TTC17: variants seen among roughly 807,000 people sequenced by gnomAD.
The protein encoded by TTC17 is tetratricopeptide repeat domain 17, also known as tetratricopeptide repeat protein 17.
TTC17 carries 58 observed loss-of-function variants against 143.8 expected under a neutral mutation model. The ratio of observed to expected loss-of-function variants is 0.40; its 90% CI spans 0.33 to 0.50. TTC17 has a LOEUF of 0.50. TTC17 is among the 20% of genes least tolerant of loss of function. TTC17 has a pLI of 0.49. For synonymous variants in TTC17, 501 were observed against 497.8 expected, an observed-to-expected ratio of 1.01 and a Z score of -0.09; for missense variants, 1,273 against 1,392.5, an observed-to-expected ratio of 0.91 and a Z score of 1.37.
intron 16 of TTC17, among the ~76,000 whole-genome samples, chr11:43,433,333 C>T (rs1172521703): frequency 6.6e-6 from 1 of 152,190 alleles, no homozygotes; most frequent in Non-Finnish European, 1.5e-5. Context: ...AGCGTAAGAA[C>T]GTTAGTATTC....
At chr11:43,418,121 A>G (rs1946818682) in intron 16 of TTC17, among the ~76,000 whole-genome samples, 1 of 152,244 alleles carries the variant, frequency 6.6e-6, no homozygotes, top group Non-Finnish European at 1.5e-5. Context: ...TTTTGTACTT[A>G]TAAAGACTTT....
intron 16 of TTC17, among the ~76,000 whole-genome samples, chr11:43,420,078 G>GT (rs1399913811): frequency 5.9e-5 from 9 of 152,140 alleles, no homozygotes; most frequent in African/African-American, 2.2e-4. Context: ...TTTTTAACAT[G>GT]TATCTTTAAC....
In TTC17 at chr11:43,401,524, G is replaced by A. The variant is rs758314443; in HGVS notation, c.1298G>A (p.Arg433His). The change falls in exon 10 of 24, where the codon CGT becomes CAT. Residue 433 changes from arginine to histidine, a missense_variant. Around this residue, in one of 3 missense-constraint regions of TTC17, gnomAD observed 878 missense variants for 899.8 expected, o/e 0.98. Coordinates refer to ENST00000039989, the MANE Select transcript of TTC17 (RefSeq NM_018259.6). ...CQWDQPVRYHRGDIFENVDYV... is the reference protein window; with the variant it reads ...CQWDQPVRYHHGDIFENVDYV... ...TGGGACCAGCCTGTACGCTATCATCGTGGAGATATCTTTGAAAATGTGGAC... is the reference window on the plus strand; with the variant it reads ...TGGGACCAGCCTGTACGCTATCATCATGGAGATATCTTTGAAAATGTGGAC... 18 of 1,613,036 alleles carry A rather than the reference G, an allele frequency of 1.1e-5. No homozygotes were observed. Among genetic ancestry groups the A allele is most frequent in the African/African-American group, 1.3e-5 (1 of 74,884 alleles).
chr11:43,397,544 T>TC, intron 7 of TTC17, 53 bp downstream of exon 7: 1 of 1,485,176 alleles, frequency 6.7e-7, no homozygotes, highest in Non-Finnish European at 9.0e-7. Flanking sequence ...TTTCTTTTTT[T>TC]TTTTTTTTTC....
At chr11:43,478,592 A>C (rs55931860) in intron 21 of TTC17, among the ~76,000 whole-genome samples, 14,062 of 152,046 alleles carry the variant, frequency 0.092, 798 homozygotes, top group Middle Eastern at 0.16. Flanking sequence ...AGGGTTCATT[A>C]TATTGTTTTA....
chr11:43,487,181 T>C (rs989028154), intron 21 of TTC17, among the ~76,000 whole-genome samples: 1 of 152,238 alleles, frequency 6.6e-6, no homozygotes, highest in Admixed American at 6.5e-5. Flanking sequence ...AATCTCACTC[T>C]GTCACCCAGG....
chr11:43,490,048 A>T, intron 21 of TTC17, 191 bp from the exon 22 acceptor site: 1 of 588,590 alleles, frequency 1.7e-6, no homozygotes, highest in Non-Finnish European at 2.7e-6. Context: ...GGGCTGTAAT[A>T]GTAGTATCAA....
In TTC17 at chr11:43,420,853, A is replaced by G. The variant is rs142456816; in HGVS notation, c.2251+6077A>G. 3.2e-4 allele frequency among the ~76,000 whole-genome samples: 49 copies of G among 152,316 alleles called. No homozygotes were observed. In the Middle Eastern group the frequency reaches 0.01, roughly 32 times the overall value. On this transcript the variant is annotated intron_variant, in intron 16 of 23. Transcript: ENST00000039989. ...GAGATCTTTTCACAGCTATTCATCCAGTCATTATAGGTTGTTAGCCTTGCC... is the reference window on the plus strand; with the variant it reads ...GAGATCTTTTCACAGCTATTCATCCGGTCATTATAGGTTGTTAGCCTTGCC...
At chr11:43,407,898 A>C (rs1858218930) in intron 15 of TTC17, among the ~76,000 whole-genome samples, 1 of 151,616 alleles carries the variant, frequency 6.6e-6, no homozygotes, top group Non-Finnish European at 1.5e-5. Flanking sequence ...ATTTTATCCT[A>C]CTCATCACAG....
intron 1 of TTC17, among the ~76,000 whole-genome samples, chr11:43,365,856 C>T (rs1856316262): frequency 6.6e-6 from 1 of 152,196 alleles, no homozygotes; most frequent in Non-Finnish European, 1.5e-5. Flanking sequence ...TATTGCCATC[C>T]TTCCAGCTTC....
chr11:43,368,266 C>G (rs1258572804), intron 1 of TTC17, among the ~76,000 whole-genome samples: 1 of 152,156 alleles, frequency 6.6e-6, no homozygotes, highest in African/African-American at 2.4e-5. Context: ...TCTAAAGACT[C>G]TCAAATCTTA....
intron 2 of TTC17, among the ~76,000 whole-genome samples, chr11:43,382,928 C>A (rs1301300093): frequency 6.6e-6 from 1 of 151,368 alleles, no homozygotes; most frequent in Non-Finnish European, 1.5e-5. Flanking sequence ...GAGACAGGGT[C>A]TTGCTCTGTC....
At chr11:43,372,562 C>T (rs1324692947) in intron 1 of TTC17, among the ~76,000 whole-genome samples, 1 of 151,546 alleles carries the variant, frequency 6.6e-6, no homozygotes, top group African/African-American at 2.4e-5. Context: ...GAGTGCCTGG[C>T]TCACTGCAAC....
intron 8 of TTC17, among the ~76,000 whole-genome samples, chr11:43,398,919 T>C (rs1046759191): frequency 1.3e-5 from 2 of 152,258 alleles, no homozygotes; most frequent in African/African-American, 4.8e-5. Context: ...GTTTCTGTTA[T>C]ACCTGGCTGA....
intron 21 of TTC17, among the ~76,000 whole-genome samples, chr11:43,452,766 C>G (rs972881151): frequency 1.3e-5 from 2 of 151,902 alleles, no homozygotes; most frequent in Non-Finnish European, 2.9e-5. Flanking sequence ...GAGACCCTAT[C>G]TCTACAAAAA....
intron 8 of TTC17, among the ~76,000 whole-genome samples, chr11:43,398,802 CAG>C (rs991639400): frequency 6.6e-6 from 1 of 152,188 alleles, no homozygotes; most frequent in Non-Finnish European, 1.5e-5. Context: ...GAGAATTAAA[CAG>C]AGATTTAGAA....
intron 21 of TTC17, among the ~76,000 whole-genome samples, chr11:43,484,296 TAAA>T (rs1948341563): frequency 6.6e-6 from 1 of 152,138 alleles, no homozygotes; most frequent in Non-Finnish European, 1.5e-5. Flanking sequence ...GTAAACTCAA[TAAA>T]TAAAAAGTTG....
At chr11:43,409,431 A>G (rs1858300926) in intron 15 of TTC17, among the ~76,000 whole-genome samples, 1 of 152,260 alleles carries the variant, frequency 6.6e-6, no homozygotes, top group Non-Finnish European at 1.5e-5. Flanking sequence ...ATTGCCATGA[A>G]TAAGGTCTAA....
intron 21 of TTC17, among the ~76,000 whole-genome samples, chr11:43,457,505 AGAT>A (rs1473039653): frequency 6.6e-6 from 1 of 152,192 alleles, no homozygotes; most frequent in Non-Finnish European, 1.5e-5. Flanking sequence ...GTAGATTTAC[AGAT>A]AATAGAGATA....
Sources: allele counts gnomAD v4.1 joint callset (sites outside exome capture counted in the v4.1 genomes callset), GRCh38; gene constraint gnomAD v4.1.1; regional missense constraint gnomAD v4.1.1; transcripts MANE v1.5; gene names NCBI Gene and HGNC (gene_info 2026-07-23, HGNC 2026-07-21).